WWOX: variants seen among roughly 807,000 people sequenced by gnomAD.
WWOX encodes the protein WW domain containing oxidoreductase, also known as WW domain-containing oxidoreductase.
WWOX carries 69 observed loss-of-function variants against 46.2 expected under a neutral mutation model. The observed-to-expected ratio is 1.49, with a 90% CI of 1.23 to 1.82. WWOX has a LOEUF of 1.82. Among genes scored for constraint, WWOX ranks in the 40% most tolerant of loss-of-function variants. The pLI is 0.00. For synonymous variants in WWOX, 359 were observed against 202.6 expected, an observed-to-expected ratio of 1.77 and a Z score of -6.56; for missense variants, 919 against 542.6, an observed-to-expected ratio of 1.69 and a Z score of -6.89.
At chr16:78,376,608 A>T (rs1228754000) in intron 5 of WWOX, among the ~76,000 whole-genome samples, 1 of 152,218 alleles carries the variant, frequency 6.6e-6, no homozygotes, top group East Asian at 1.9e-4. Flanking sequence ...GGGACTATTG[A>T]GGCCAGATAA....
chr16:78,996,417 C>A, intron 8 of WWOX: 2 of 860,214 alleles, frequency 2.3e-6, no homozygotes, highest in Non-Finnish European at 2.7e-6. Context: ...ATGATTTGCT[C>A]AAAGTTTGCA....
intron 8 of WWOX, among the ~76,000 whole-genome samples, chr16:78,435,621 C>T (rs1211045237): frequency 6.6e-6 from 1 of 152,136 alleles, no homozygotes; most frequent in Non-Finnish European, 1.5e-5. Context: ...ATAGAAAGGG[C>T]ACTGGACGTG....
At chr16:78,415,006 G>C (rs550721159) in intron 6 of WWOX, among the ~76,000 whole-genome samples, 1 of 151,558 alleles carries the variant, frequency 6.6e-6, no homozygotes, top group South Asian at 2.1e-4. Flanking sequence ...TCCATAGGCA[G>C]AGCAGCAACT....
At chr16:78,490,473 C>T (rs972476169) in intron 8 of WWOX, among the ~76,000 whole-genome samples, 1 of 152,064 alleles carries the variant, frequency 6.6e-6, no homozygotes, top group Non-Finnish European at 1.5e-5. Flanking sequence ...TTGTAGTTCC[C>T]GCAAATCTAT....
chr16:78,561,221 G>A (rs947536934), intron 8 of WWOX, among the ~76,000 whole-genome samples: 24 of 152,172 alleles, frequency 1.6e-4, no homozygotes, highest in African/African-American at 5.6e-4. Flanking sequence ...GCCAGCAACA[G>A]AAACTCTCTT....
In WWOX at chr16:79,082,594, C is replaced by T. The variant is rs528903023; in HGVS notation, c.1057-129014C>T. Among the ~76,000 whole-genome samples the T allele has an allele frequency of 9.7e-4, 147 of 152,226 alleles. 1 individual carries two copies. The highest frequency in any genetic ancestry group is 3.4e-3 in the African/African-American group (141 of 41,538). ...ATATCACTGTTTCATGAAACACAGC[C>T]CGCCAGAAAGTCGCGAGTGTTTTGA... On this transcript the variant is annotated intron_variant, in intron 8 of 8. Coordinates refer to ENST00000566780, the MANE Select transcript of WWOX (RefSeq NM_016373.4).
chr16:78,127,797 A>G lies in WWOX; in HGVS notation c.409+12643A>G, dbSNP rs1459071826. 2.6e-5 allele frequency among the ~76,000 whole-genome samples: 4 copies of G among 152,166 alleles called. No homozygotes were observed. The East Asian group carries it at 7.7e-4, about 29-fold the overall frequency. On this transcript the variant is annotated intron_variant, in intron 4 of 8. Transcript: ENST00000566780. ...ATCCAAAAAGTGTCAGTGTTTGAAT[A>G]TAGTTTTATTGCCACTTAAAAAGGT...
chr16:78,687,203 C>G (rs2142253250), intron 8 of WWOX, among the ~76,000 whole-genome samples: 1 of 152,214 alleles, frequency 6.6e-6, no homozygotes, highest in South Asian at 2.1e-4. Flanking sequence ...TGTCTCTGTT[C>G]ATGATATAAC....
intron 8 of WWOX, among the ~76,000 whole-genome samples, chr16:78,839,390 G>C (rs915539673): frequency 1.5e-4 from 23 of 152,174 alleles, no homozygotes; most frequent in African/African-American, 5.5e-4. Flanking sequence ...CAAAGGCTTT[G>C]CTGAAACTTG....
chr16:78,739,967 A>G (rs995479809), intron 8 of WWOX, among the ~76,000 whole-genome samples: 2 of 152,104 alleles, frequency 1.3e-5, no homozygotes, highest in Non-Finnish European at 2.9e-5. Context: ...TACTCTCTCT[A>G]AATTATCTCA....
chr16:78,120,961 G>T (rs1311230429), intron 4 of WWOX, among the ~76,000 whole-genome samples: 4 of 151,136 alleles, frequency 2.6e-5, no homozygotes, highest in African/African-American at 9.7e-5. Flanking sequence ...TTGCCTTTGA[G>T]CCTAAAGCAT....
chr16:78,403,987 C>T (rs1042678804), intron 6 of WWOX, among the ~76,000 whole-genome samples: 2 of 152,140 alleles, frequency 1.3e-5, no homozygotes, highest in African/African-American at 2.4e-5. Context: ...AACATATATT[C>T]ATTTTTTAAA....
At chr16:78,711,543 A>G (rs1293212499) in intron 8 of WWOX, among the ~76,000 whole-genome samples, 3 of 152,180 alleles carry the variant, frequency 2.0e-5, no homozygotes, top group Non-Finnish European at 1.5e-5. Context: ...GCCAGCCGCA[A>G]AGATTGTGGT....
At chr16:78,670,835 A>G (rs2142202165) in intron 8 of WWOX, among the ~76,000 whole-genome samples, 1 of 152,122 alleles carries the variant, frequency 6.6e-6, no homozygotes, top group South Asian at 2.1e-4. Flanking sequence ...TTATAGATGT[A>G]ACTGAAATAA....
intron 8 of WWOX, among the ~76,000 whole-genome samples, chr16:78,642,517 C>A (rs1319613042): frequency 6.6e-6 from 1 of 152,114 alleles, no homozygotes; most frequent in Non-Finnish European, 1.5e-5. Flanking sequence ...TGCCTAGGTC[C>A]ACAGTCCTCA....
intron 8 of WWOX, among the ~76,000 whole-genome samples, chr16:78,537,834 G>T (rs1291270864): frequency 1.3e-5 from 2 of 152,104 alleles, no homozygotes; most frequent in Admixed American, 1.3e-4. Context: ...ATCCACCCAC[G>T]TGTTGGTGCC....
intron 8 of WWOX, among the ~76,000 whole-genome samples, chr16:79,038,939 C>T (rs1025006027): frequency 3.3e-5 from 5 of 152,004 alleles, no homozygotes; most frequent in Non-Finnish European, 5.9e-5. Context: ...ATTTCATGAC[C>T]ACATATATCT....
At chr16:78,760,515 C>T (rs1269288581) in intron 8 of WWOX, among the ~76,000 whole-genome samples, 1 of 152,198 alleles carries the variant, frequency 6.6e-6, no homozygotes, top group Non-Finnish European at 1.5e-5. Flanking sequence ...CTCAGCCCAA[C>T]ACACTCCTCA....
At chr16:78,436,429 GC>G in intron 8 of WWOX, among the ~76,000 whole-genome samples, 1 of 152,286 alleles carries the variant, frequency 6.6e-6, no homozygotes, top group Non-Finnish European at 1.5e-5. Flanking sequence ...GAAAATAGCA[GC>G]TTTTATATGT....
Sources: allele counts gnomAD v4.1 joint callset (sites outside exome capture counted in the v4.1 genomes callset), GRCh38; gene constraint gnomAD v4.1.1; transcripts MANE v1.5; gene names NCBI Gene and HGNC (gene_info 2026-07-23, HGNC 2026-07-21).